The following OCA2 variants were observed in gnomAD, a reference collection of about 807,000 sequenced individuals.
OCA2 encodes the protein OCA2 melanosomal transmembrane protein.
OCA2 carries 77 observed loss-of-function variants against 100.2 expected under a neutral mutation model. The observed-to-expected ratio is 0.77, with a 90% CI of 0.64 to 0.93. OCA2 has a LOEUF of 0.93. OCA2 is among the 40% of genes least tolerant of loss of function. The pLI, the probability that OCA2 is intolerant of heterozygous loss-of-function variation, is 0.00. For synonymous variants in OCA2, 432 were observed against 439.2 expected (o/e 0.98, Z 0.21); for missense variants, 1,062 against 1,089.1 (o/e 0.98, Z 0.35).
chr15:27,966,759 A>T lies in OCA2; in HGVS notation c.1567T>A (p.Cys523Ser). 1 of 1,613,844 alleles carries T rather than the reference A, an allele frequency of 6.2e-7. No homozygotes were observed. Among genetic ancestry groups the T allele is most frequent in the South Asian group, 1.1e-5 (1 of 91,056 alleles). ...FIGICLVLLV[C>S]FPLLRLLYWN... is the part of the protein sequence containing the mutation. ...TAAAGGAGTCTGAGGAGCGGAAAGC[A>T]GACCAGGAGAACAAGGCAAATCCCA... is the stretch of plus-strand genomic sequence containing the variant. Residue 523 changes from cysteine to serine, a missense_variant, in exon 15 of 24, where the codon TGC becomes AGC. Physicochemically the swap from Cys to Ser is moderately radical, Grantham distance 112. Transcript: ENST00000354638.
At chr15:27,840,666 T>C (rs146392119) in intron 23 of OCA2, among the ~76,000 whole-genome samples, 5 of 152,306 alleles carry the variant, frequency 3.3e-5, no homozygotes, top group South Asian at 2.1e-4. Context: ...GGAGGAACCA[T>C]AGCCATTGCA....
rs756887531 is a variant in OCA2 at position 27,983,363 on chromosome 15, G to T, written c.1485C>A (p.Asn495Lys). The T allele has an allele frequency of 3.1e-6, 5 of 1,614,042 alleles. No individual in the cohort carries two copies. In the Admixed American group the frequency reaches 8.3e-5, roughly 27 times the overall value. Residue 495 changes from asparagine to lysine, a missense_variant, in exon 14 of 24, where the codon AAC becomes AAA. By Grantham distance (94) the Asn-to-Lys change is moderately conservative (BLOSUM62 0). Coordinates refer to ENST00000354638, the MANE Select transcript of OCA2 (RefSeq NM_000275.3). ...TACGTACCATCTTCCTCAGCTCTTG[G>T]TTGGAAACAATAATGACATTTGGAG... ...GDPPNVIIVSNQELRKMGLDF... is the reference protein window; with the variant it reads ...GDPPNVIIVSKQELRKMGLDF...
At chr15:27,981,395 C>T (rs12914687) in intron 14 of OCA2, among the ~76,000 whole-genome samples, 77,429 of 152,114 alleles carry the variant, frequency 0.51, 24,260 homozygotes, top group Non-Finnish European at 0.71. Flanking sequence ...CCAGACATTG[C>T]AAATTTTACC....
rs191540721 is a variant in OCA2 at position 27,880,332 on chromosome 15, T to C, written c.2080-8410A>G. Among the ~76,000 whole-genome samples, 417 of 152,316 alleles carry C rather than the reference T, an allele frequency of 2.7e-3. 1 individual carries two copies. Among genetic ancestry groups the C allele is most frequent in the Non-Finnish European group, 4.8e-3 (325 of 68,020 alleles). ...TTTGCTTAGGATTATCTTGGCTATA[T>C]GCACTCGTTTTTGATTCCATTTTAA... On this transcript the variant is annotated intron_variant, in intron 19 of 23. Coordinates refer to ENST00000354638, the MANE Select transcript of OCA2 (RefSeq NM_000275.3).
intron 23 of OCA2, among the ~76,000 whole-genome samples, chr15:27,790,477 G>T (rs1213681825): frequency 6.6e-6 from 1 of 152,204 alleles, no homozygotes; most frequent in Non-Finnish European, 1.5e-5. Context: ...ACAAACTGCT[G>T]ATGCATACAA....
At chr15:27,896,114 C>A in intron 19 of OCA2, 1 of 1,100,058 alleles carries the variant, frequency 9.1e-7, no homozygotes, top group Non-Finnish European at 1.4e-6. Flanking sequence ...AGCCAAGTGC[C>A]TTTACCTGCT....
Position 27,940,066 on chromosome 15 carries a change from T to C in OCA2, c.1951+11718A>G, listed in dbSNP as rs982206425. The stretch of plus-strand genomic sequence containing the variant: ...CTTGGACATCACACAGCTTTGCCGT[T>C]GGGACTGAACCCCCTTTCTTCTCAG... On this transcript the variant is annotated intron_variant, in intron 18 of 23. Transcript: ENST00000354638. Among the ~76,000 whole-genome samples the C allele has an allele frequency of 3.3e-5, 5 of 152,132 alleles. No individual in the cohort carries two copies. In the South Asian group the frequency reaches 8.3e-4, roughly 25 times the overall value.
chr15:28,071,268 G>A (rs1260635081), intron 2 of OCA2, among the ~76,000 whole-genome samples: 1 of 151,830 alleles, frequency 6.6e-6, no homozygotes, highest in Admixed American at 6.6e-5. Context: ...GAAATCAGAG[G>A]TGACGCAAAT....
intron 19 of OCA2, among the ~76,000 whole-genome samples, chr15:27,914,304 G>A (rs926090980): frequency 6.6e-6 from 1 of 152,132 alleles, no homozygotes; most frequent in African/African-American, 2.4e-5. Context: ...ACTGGAACAA[G>A]ATAAGGATGC....
intron 23 of OCA2, among the ~76,000 whole-genome samples, chr15:27,778,747 G>T (rs2032382293): frequency 6.6e-6 from 1 of 152,210 alleles, no homozygotes; most frequent in African/African-American, 2.4e-5. Flanking sequence ...GAAAGCTGCT[G>T]AGAGAATCTG....
At position 28,043,299 on chromosome 15, in the gene OCA2, G is replaced by A. The variant is rs61653709; in HGVS notation, c.228-11136C>T. 4.1e-3 allele frequency among the ~76,000 whole-genome samples: 619 copies of A among 152,232 alleles called. 3 individuals are homozygous for A. Among genetic ancestry groups the A allele is most frequent in the African/African-American group, 0.014 (593 of 41,530 alleles). On this transcript the variant is annotated intron_variant, in intron 2 of 23. Transcript: ENST00000354638. The surrounding 1 kb of genome is among the most constrained non-coding windows in gnomAD (Gnocchi z 4.4). ...GAAGTTTACAATTCAACAGAGAGAC[G>A]GAGAGGTGGTAGGGTAGTGCCTGAG...
intron 19 of OCA2, among the ~76,000 whole-genome samples, chr15:27,885,337 A>G (rs1438084087): frequency 6.6e-6 from 1 of 152,132 alleles, no homozygotes; most frequent in African/African-American, 2.4e-5. Context: ...ATGGCTAAAG[A>G]TGTCCCACTG....
chr15:27,916,974 A>G (rs1299712522), intron 19 of OCA2, among the ~76,000 whole-genome samples: 1 of 152,098 alleles, frequency 6.6e-6, no homozygotes, highest in African/African-American at 2.4e-5. Flanking sequence ...GTAAGATAGC[A>G]GATGCAAAAC....
intron 17 of OCA2, among the ~76,000 whole-genome samples, chr15:27,954,274 T>C (rs1009139001): frequency 2.0e-5 from 3 of 152,016 alleles, no homozygotes; most frequent in Non-Finnish European, 4.4e-5. Flanking sequence ...GGCACACAGT[T>C]CTCCAACTCA....
the OCA2 span, among the ~76,000 whole-genome samples, chr15:27,736,844 A>C: frequency 6.6e-6 from 1 of 152,222 alleles, no homozygotes; most frequent in Non-Finnish European, 1.5e-5. Flanking sequence ...TCTAGTCCTG[A>C]CCAGTGCAAT....
chr15:27,931,044 C>T (rs1456737276), intron 18 of OCA2, among the ~76,000 whole-genome samples: 1 of 152,124 alleles, frequency 6.6e-6, no homozygotes, highest in South Asian at 2.1e-4. Context: ...ACAGAGCTAG[C>T]CATCTCCCAC....
the OCA2 span, among the ~76,000 whole-genome samples, chr15:27,744,941 T>C: frequency 8.5e-6 from 1 of 118,092 alleles, no homozygotes. Flanking sequence ...AGACCCTTTG[T>C]AGCAGTAAGA....
At chr15:28,017,266 T>C (rs1416968425) in intron 7 of OCA2, among the ~76,000 whole-genome samples, 2 of 152,286 alleles carry the variant, frequency 1.3e-5, no homozygotes, top group African/African-American at 4.8e-5. Flanking sequence ...GGGTTTCCCA[T>C]GTTTCTGGGG....
At chr15:27,939,631 A>G (rs533316733) in intron 18 of OCA2, among the ~76,000 whole-genome samples, 3 of 152,338 alleles carry the variant, frequency 2.0e-5, no homozygotes, top group African/African-American at 7.2e-5. Flanking sequence ...CTCATTTTGC[A>G]CTTGTGCATT....
Sources: gnomAD v4.1 joint callset for allele counts (sites outside exome capture counted in the v4.1 genomes callset) on GRCh38, gnomAD v4.1.1 for gene constraint, Gnocchi (gnomAD v3.1) non-coding constraint, MANE v1.5 for transcripts, NCBI Gene and HGNC (gene_info 2026-07-23, HGNC 2026-07-21) for gene names.